Variants in DENND1A observed in about 807,000 individuals in gnomAD.
DENND1A encodes the protein DENN domain-containing protein 1A.
DENND1A carries 51 observed loss-of-function variants against 113.7 expected under a neutral mutation model. The observed-to-expected ratio is 0.45, with a 90% CI of 0.36 to 0.57. The LOEUF (loss-of-function observed/expected upper bound fraction) is 0.57. DENND1A is among the 20% of genes least tolerant of loss of function. The probability of loss-of-function intolerance (pLI) is 0.00; values close to 1 mark genes in which losing one functional copy is unlikely to be tolerated. For missense variants in DENND1A, 1,258 were observed against 1,395.9 expected (o/e 0.90, Z 1.57); for synonymous variants, 565 against 570.8 (o/e 0.99, Z 0.14).
intron 2 of DENND1A, among the ~76,000 whole-genome samples, chr9:123,824,329 G>A (rs548971739): frequency 2.0e-5 from 3 of 152,114 alleles, no homozygotes; most frequent in East Asian, 1.9e-4. Flanking sequence ...CCTTTAACTC[G>A]CAATCACTTG....
chr9:123,413,040 C>T (rs563082636), intron 19 of DENND1A, among the ~76,000 whole-genome samples: 118 of 152,278 alleles, frequency 7.7e-4, no homozygotes, highest in African/African-American at 2.7e-3. Flanking sequence ...AAAAATTAGC[C>T]GGGCATGATG....
At chr9:123,600,816 GC>G (rs1163878327) in intron 11 of DENND1A, among the ~76,000 whole-genome samples, 1 of 149,492 alleles carries the variant, frequency 6.7e-6, no homozygotes, top group Non-Finnish European at 1.5e-5. Flanking sequence ...GGGCAACAAA[GC>G]AAGACTCCAT....
chr9:123,615,327 C>T (rs2060600700), intron 10 of DENND1A, among the ~76,000 whole-genome samples: 2 of 152,222 alleles, frequency 1.3e-5, no homozygotes, highest in African/African-American at 4.8e-5. Context: ...TAGTAAGTGG[C>T]AGAACTGGGA....
intron 10 of DENND1A, among the ~76,000 whole-genome samples, chr9:123,614,557 A>G (rs948322644): frequency 6.6e-6 from 1 of 152,168 alleles, no homozygotes; most frequent in African/African-American, 2.4e-5. Flanking sequence ...CTAATTGGAA[A>G]TGAGTCCAGT....
At chr9:123,724,380 A>G (rs1298390520) in intron 5 of DENND1A, among the ~76,000 whole-genome samples, 2 of 152,212 alleles carry the variant, frequency 1.3e-5, no homozygotes, top group Admixed American at 1.3e-4. Context: ...ACTGAAAAAT[A>G]GACACACTGA....
chr9:123,757,514 A>G (rs1206368295), intron 5 of DENND1A, among the ~76,000 whole-genome samples, 189 bp downstream of exon 5: 3 of 152,244 alleles, frequency 2.0e-5, no homozygotes, highest in African/African-American at 7.2e-5. Context: ...ACAAATAAAT[A>G]AATACAATTA....
At chr9:123,555,591 G>C (rs987761275) in intron 13 of DENND1A, among the ~76,000 whole-genome samples, 2 of 152,194 alleles carry the variant, frequency 1.3e-5, no homozygotes, top group African/African-American at 2.4e-5. Flanking sequence ...GATGAAATGT[G>C]TTATGGCTCA....
At chr9:123,516,310 G>GT (rs2053908573) in intron 13 of DENND1A, among the ~76,000 whole-genome samples, 1 of 151,942 alleles carries the variant, frequency 6.6e-6, no homozygotes, top group African/African-American at 2.4e-5. Flanking sequence ...CCAGAAAGAT[G>GT]TATTTGTTAC....
intron 5 of DENND1A, among the ~76,000 whole-genome samples, chr9:123,726,524 C>G (rs2067720266): frequency 6.6e-6 from 1 of 152,100 alleles, no homozygotes; most frequent in African/African-American, 2.4e-5. Flanking sequence ...AGCTGAATCC[C>G]CAGTACACAG....
chr9:123,757,478 C>T (rs1352307985), intron 5 of DENND1A, among the ~76,000 whole-genome samples: 4 of 152,222 alleles, frequency 2.6e-5, no homozygotes, highest in African/African-American at 9.6e-5. Context: ...AAGAGATGGT[C>T]CCCTTTCCCA....
intron 6 of DENND1A, among the ~76,000 whole-genome samples, chr9:123,673,734 C>T (rs957006292): frequency 2.0e-5 from 3 of 152,200 alleles, no homozygotes; most frequent in African/African-American, 7.2e-5. Context: ...ATATTGAAAA[C>T]CATGGGTTCA....
intron 13 of DENND1A, among the ~76,000 whole-genome samples, chr9:123,469,218 A>C (rs1235882178): frequency 6.6e-6 from 1 of 152,260 alleles, no homozygotes; most frequent in Non-Finnish European, 1.5e-5. Context: ...ATAGACTCCC[A>C]GTCTGGGCCC....
chr9:123,895,059 CT>C (rs753119053), intron 1 of DENND1A, among the ~76,000 whole-genome samples: 752 of 141,336 alleles, frequency 5.3e-3, no homozygotes, highest in Non-Finnish European at 5.2e-3. Flanking sequence ...CTGCAAGTTC[CT>C]TTTTTTTTTT....
chr9:123,824,440 T>C (rs1257441435), intron 2 of DENND1A, among the ~76,000 whole-genome samples: 6 of 152,196 alleles, frequency 3.9e-5, no homozygotes, highest in Non-Finnish European at 8.8e-5. Context: ...CTGAATGCGA[T>C]GTGAAGAAAT....
At chr9:123,718,981 A>G (rs1386201185) in intron 5 of DENND1A, among the ~76,000 whole-genome samples, 2 of 152,152 alleles carry the variant, frequency 1.3e-5, no homozygotes, top group Non-Finnish European at 2.9e-5. Flanking sequence ...GTGGTAGTGA[A>G]TAAGTCTCAC....
chr9:123,454,386 T>C (rs2047955700), intron 16 of DENND1A, among the ~76,000 whole-genome samples: 1 of 152,090 alleles, frequency 6.6e-6, no homozygotes, highest in African/African-American at 2.4e-5. Context: ...GTGAAAGAGG[T>C]TACACAGCAG....
chr9:123,867,532 T>A (rs1383466420), intron 2 of DENND1A, among the ~76,000 whole-genome samples: 1 of 152,242 alleles, frequency 6.6e-6, no homozygotes, highest in Non-Finnish European at 1.5e-5. Context: ...TTCATTATTA[T>A]CTCACTGCTT....
At chr9:123,491,239 G>C (rs951007884) in intron 13 of DENND1A, among the ~76,000 whole-genome samples, 2 of 152,192 alleles carry the variant, frequency 1.3e-5, no homozygotes, top group African/African-American at 4.8e-5. Flanking sequence ...GTAGGCCAAG[G>C]CCAGACAGCC....
At position 123,440,426 on chromosome 9, in the gene DENND1A, T is replaced by C. The variant is rs1204979317; in HGVS notation, c.1422A>G (p.Pro474=). 4 of 1,588,238 alleles carry C rather than the reference T, an allele frequency of 2.5e-6. No individual in the cohort carries two copies. In the East Asian group the frequency reaches 9.2e-5, roughly 37 times the overall value. The change falls in exon 19 of 24, where the codon CCA becomes CCG. Residue 474 remains proline (P), a synonymous_variant. Transcript: ENST00000394215. ...EEQLPKTAPS[P]LVEAKDPKLR... is the part of the protein sequence containing the mutation. ...GCTTGGGGTCCTTGGCCTCCACCAG[T>C]GGGGACGGTGCAGTCTTTGGCAGCT...
Sources: allele counts gnomAD v4.1 joint callset (sites outside exome capture counted in the v4.1 genomes callset), GRCh38; gene constraint gnomAD v4.1.1; transcripts MANE v1.5; gene names NCBI Gene and HGNC (gene_info 2026-07-23, HGNC 2026-07-21).